Variants in NR1H4 observed in about 807,000 individuals in gnomAD.
NR1H4 encodes the protein bile acid receptor.
A neutral mutation model predicts 58.5 loss-of-function variants in NR1H4; 23 were observed. The observed-to-expected ratio is 0.39, with a 90% CI of 0.28 to 0.56. NR1H4 has a LOEUF of 0.56. NR1H4 is among the 20% of genes least tolerant of loss of function. The pLI is 0.58. For synonymous variants in NR1H4, 214 were observed against 198.0 expected (o/e 1.08, Z -0.68); for missense variants, 487 against 576.9 (o/e 0.84, Z 1.60).
At chr12:100,552,794 C>T (rs2136295721) in intron 9 of NR1H4, among the ~76,000 whole-genome samples, 1 of 152,178 alleles carries the variant, frequency 6.6e-6, no homozygotes, top group Non-Finnish European at 1.5e-5. Flanking sequence ...TGGTGCATAC[C>T]TGTAGTCCTA....
intron 3 of NR1H4, among the ~76,000 whole-genome samples, chr12:100,497,627 C>A (rs1953744866): frequency 6.6e-6 from 1 of 152,096 alleles, no homozygotes; most frequent in Admixed American, 6.5e-5. Flanking sequence ...AGTTACCACA[C>A]AGAGATTCGT....
At chr12:100,499,801 A>G (rs1263667244) in intron 3 of NR1H4, 1 of 454,910 alleles carries the variant, frequency 2.2e-6, no homozygotes, top group Non-Finnish European at 4.4e-6. Flanking sequence ...AGTGCTTTAT[A>G]GAAATTAATG....
chr12:100,505,964 G>C, intron 3 of NR1H4: 1 of 237,992 alleles, frequency 4.2e-6, no homozygotes, highest in Admixed American at 5.4e-5. Context: ...CATATGTTCA[G>C]ACCCTAACAC....
At chr12:100,487,879 TG>T (rs1428251523) in intron 1 of NR1H4, among the ~76,000 whole-genome samples, 1 of 151,972 alleles carries the variant, frequency 6.6e-6, no homozygotes, top group Admixed American at 6.6e-5. Context: ...CCCAAAGTGT[TG>T]GGATTACAGG....
At chr12:100,516,595 T>C (rs1396477009) in intron 4 of NR1H4, among the ~76,000 whole-genome samples, 2 of 152,156 alleles carry the variant, frequency 1.3e-5, no homozygotes, top group Non-Finnish European at 2.9e-5. Flanking sequence ...CTCCATCTCC[T>C]GACCTCGTGA....
intron 9 of NR1H4, among the ~76,000 whole-genome samples, chr12:100,560,981 G>C (rs1346437342): frequency 6.6e-6 from 1 of 152,092 alleles, no homozygotes; most frequent in Non-Finnish European, 1.5e-5. Context: ...AGAAACGTGG[G>C]GGAGCTTAGT....
chr12:100,503,245 A>G (rs1257826874), intron 3 of NR1H4: 1 of 1,056,054 alleles, frequency 9.5e-7, no homozygotes, highest in Non-Finnish European at 1.3e-6. Flanking sequence ...CCAGCTTACT[A>G]GGCAATTTGG....
chr12:100,538,962 G>A (rs1388922353), intron 8 of NR1H4, among the ~76,000 whole-genome samples: 1 of 152,198 alleles, frequency 6.6e-6, no homozygotes, highest in Non-Finnish European at 1.5e-5. Flanking sequence ...AAAAACTGTG[G>A]AGGAAAGAAC....
At chr12:100,500,678 C>T (rs1953813932) in intron 3 of NR1H4, among the ~76,000 whole-genome samples, 1 of 152,114 alleles carries the variant, frequency 6.6e-6, no homozygotes, top group South Asian at 2.1e-4. Flanking sequence ...CCATGCTGTT[C>T]TCATGATAGT....
intron 9 of NR1H4, among the ~76,000 whole-genome samples, chr12:100,543,943 CG>C (rs1954998187): frequency 6.6e-6 from 1 of 152,056 alleles, no homozygotes; most frequent in South Asian, 2.1e-4. Flanking sequence ...TGGACTGTGG[CG>C]GTGCTCCCTT....
intron 10 of NR1H4, among the ~76,000 whole-genome samples, chr12:100,562,625 C>T (rs1318102309): frequency 1.3e-5 from 2 of 152,104 alleles, no homozygotes; most frequent in Non-Finnish European, 2.9e-5. Context: ...ATCTTTACCA[C>T]ATGTTTGTAT....
intron 3 of NR1H4, among the ~76,000 whole-genome samples, chr12:100,508,411 C>T (rs1306162341): frequency 6.6e-6 from 1 of 152,050 alleles, no homozygotes; most frequent in Admixed American, 6.6e-5. Flanking sequence ...AAGGGGGTAA[C>T]AAACACAAGT....
intron 9 of NR1H4, among the ~76,000 whole-genome samples, chr12:100,541,699 A>AT (rs979679929): frequency 8.1e-5 from 12 of 148,442 alleles, no homozygotes; most frequent in African/African-American, 2.7e-4. Context: ...GGTTCAAGTG[A>AT]TTTTTTTGTG....
At chr12:100,487,425 GAC>G (rs1360904978) in intron 1 of NR1H4, among the ~76,000 whole-genome samples, 1 of 152,042 alleles carries the variant, frequency 6.6e-6, no homozygotes, top group East Asian at 1.9e-4. Flanking sequence ...TATTAATTGA[GAC>G]TGATTAGGCT....
intron 9 of NR1H4, among the ~76,000 whole-genome samples, chr12:100,542,139 AG>A (rs1482587025): frequency 6.6e-6 from 1 of 151,960 alleles, no homozygotes; most frequent in Non-Finnish European, 1.5e-5. Context: ...TGAAATCAGG[AG>A]TTCAAGACCA....
chr12:100,498,821 A>G (rs1249559070), intron 3 of NR1H4, among the ~76,000 whole-genome samples: 2 of 152,170 alleles, frequency 1.3e-5, no homozygotes, highest in Non-Finnish European at 2.9e-5. Context: ...GTCAGGAGGT[A>G]GATCCTATAC....
chr12:100,554,423 A>ACC (rs1555197154), intron 9 of NR1H4, among the ~76,000 whole-genome samples: 2 of 150,466 alleles, frequency 1.3e-5, no homozygotes, highest in Non-Finnish European at 3.0e-5. Flanking sequence ...ACACACACAC[A>ACC]CCTGCTTCAT....
chr12:100,549,932 T>C (rs1330300367), intron 9 of NR1H4, among the ~76,000 whole-genome samples: 2 of 152,216 alleles, frequency 1.3e-5, no homozygotes, highest in African/African-American at 4.8e-5. Context: ...CTTATGCTAA[T>C]ACAATCATTC....
At chr12:100,520,008 T>TG (rs1954372940) in intron 4 of NR1H4, among the ~76,000 whole-genome samples, 1 of 152,078 alleles carries the variant, frequency 6.6e-6, no homozygotes, top group South Asian at 2.1e-4. Context: ...AATGGAGGAA[T>TG]GAGGAAGGGC....
Sources: gnomAD v4.1 joint callset for allele counts (sites outside exome capture counted in the v4.1 genomes callset) on GRCh38, gnomAD v4.1.1 for gene constraint, MANE v1.5 for transcripts, NCBI Gene and HGNC (gene_info 2026-07-23, HGNC 2026-07-21) for gene names.